PCLAF: variants seen among roughly 807,000 people sequenced by gnomAD.
The protein encoded by PCLAF is PCNA clamp associated factor, also known as PCNA-associated factor.
PCLAF carries 12 observed loss-of-function variants against 15.1 expected under a neutral mutation model. That is an observed-to-expected ratio of 0.79 (90% confidence interval 0.51 to 1.29). PCLAF has a LOEUF of 1.29. Ranked by LOEUF, PCLAF falls within the 50% of genes most tolerant of loss-of-function variation. The pLI, the probability that PCLAF is intolerant of heterozygous loss-of-function variation, is 0.00. For missense variants in PCLAF, 116 were observed against 130.9 expected (o/e 0.89, Z 0.56); for synonymous variants, 33 against 47.1 (o/e 0.70, Z 1.22).
At chr15:64,366,988 G>T (rs893984109) in intron 3 of PCLAF, among the ~76,000 whole-genome samples, 3 of 151,322 alleles carry the variant, frequency 2.0e-5, no homozygotes, top group African/African-American at 7.3e-5. Context: ...AAAATTAGTT[G>T]GTCGTGGTGG....
At chr15:64,376,597 T>A in intron 3 of PCLAF, 146 bp downstream of exon 3, 1 of 592,866 alleles carries the variant, frequency 1.7e-6, no homozygotes, top group African/African-American at 1.9e-5. Context: ...TTTTGTATTT[T>A]TAGTAGAGAC....
upstream of PCLAF, chr15:64,381,654 A>G: frequency 1.5e-6 from 1 of 660,624 alleles, no homozygotes; most frequent in East Asian, 3.1e-5. Flanking sequence ...GGGCGGTACC[A>G]GGACTCTCCA....
In PCLAF at chr15:64,377,470, CAAAAAA is replaced by C. The variant is rs771209859; in HGVS notation, c.128-571_128-566del. 3.3e-3 allele frequency among the ~76,000 whole-genome samples: 3 copies of C among 914 alleles called. 1 individual carries two copies. Among genetic ancestry groups the C allele is most frequent in the South Asian group, 0.024 (2 of 82 alleles). The allele number at this position is 914 out of a possible 152,430, so 0.6% of individuals were successfully genotyped here. A position where few individuals can be genotyped will look rare whatever the true frequency, so the allele number is the denominator to read the frequency against. On this transcript the variant is annotated intron_variant, in intron 2 of 3. Coordinates refer to ENST00000300035, the MANE Select transcript of PCLAF (RefSeq NM_014736.6). ...CTGGCAACAGAGCGAGACTCTGTCT[CAAAAAA>C]AAAAAAAAAAAAATATATATATATA...
At chr15:64,377,812 C>T (rs866138806) in intron 2 of PCLAF, among the ~76,000 whole-genome samples, 6 of 126,502 alleles carry the variant, frequency 4.7e-5, no homozygotes, top group East Asian at 2.6e-4. Context: ...AGTGCAGTGG[C>T]GCAATCTTGG....
At chr15:64,381,194 C>G (rs1004633661) in intron 1 of PCLAF, 132 bp downstream of exon 1, 1 of 1,232,350 alleles carries the variant, frequency 8.1e-7, no homozygotes, top group Non-Finnish European at 1.2e-6. Context: ...GTAAAGGGGC[C>G]AGGCGGCTAC....
At chr15:64,382,430 A>C (rs1899847113), upstream of PCLAF, 1 of 158,380 alleles carries the variant, frequency 6.3e-6, no homozygotes, top group African/African-American at 2.4e-5. Flanking sequence ...AAAAAAAAGA[A>C]AGAAAGAAAG....
At chr15:64,381,453 A>C (rs1178978936), upstream of PCLAF, 5 of 1,600,472 alleles carry the variant, frequency 3.1e-6, no homozygotes, top group Non-Finnish European at 4.3e-6. Flanking sequence ...CCCGAAAACT[A>C]TCCCGCCACA....
rs539819481 is a variant in PCLAF at position 64,374,732 on chromosome 15, G to A, written c.290+2011C>T. Among the ~76,000 whole-genome samples the A allele has an allele frequency of 5.9e-5, 9 of 151,828 alleles. No homozygotes were observed. The South Asian group carries it at 1.7e-3, about 28-fold the overall frequency. ...TCCATGGCACATGCCTGTAATTCCA[G>A]CTACTTGGAAGGCTGAGGTGGGAGA... On this transcript the variant is annotated intron_variant, in intron 3 of 3. Coordinates refer to ENST00000300035, the MANE Select transcript of PCLAF (RefSeq NM_014736.6).
upstream of PCLAF, among the ~76,000 whole-genome samples, chr15:64,385,851 C>A (rs79135125): frequency 1.3e-5 from 2 of 152,054 alleles, no homozygotes; most frequent in Non-Finnish European, 2.9e-5. Flanking sequence ...GGAGCTGAGA[C>A]ACTCTTCTCA....
At chr15:64,366,463 T>C (rs1262944963) in intron 3 of PCLAF, among the ~76,000 whole-genome samples, 1 of 152,220 alleles carries the variant, frequency 6.6e-6, no homozygotes, top group African/African-American at 2.4e-5. Context: ...CAATCCACTT[T>C]AGCAGAGAAA....
At chr15:64,378,070 A>G (rs1899687285) in intron 2 of PCLAF, among the ~76,000 whole-genome samples, 1 of 152,006 alleles carries the variant, frequency 6.6e-6, no homozygotes, top group African/African-American at 2.4e-5. Flanking sequence ...AGTTGGGACT[A>G]CAGGCGCCCG....
At chr15:64,378,728 T>C (rs551726951) in intron 2 of PCLAF, among the ~76,000 whole-genome samples, 1 of 152,248 alleles carries the variant, frequency 6.6e-6, no homozygotes, top group East Asian at 1.9e-4. Context: ...CTGGCCAACA[T>C]GGTGAAACCC....
upstream of PCLAF, among the ~76,000 whole-genome samples, chr15:64,383,593 C>G (rs930595538): frequency 3.3e-5 from 5 of 152,128 alleles, no homozygotes; most frequent in African/African-American, 1.2e-4. Flanking sequence ...TCTCAAACTC[C>G]TGACCTCAAG....
intron 3 of PCLAF, among the ~76,000 whole-genome samples, chr15:64,367,823 C>T (rs918515491): frequency 6.6e-5 from 10 of 151,478 alleles, no homozygotes; most frequent in African/African-American, 2.2e-4. Flanking sequence ...ACTGGGATTA[C>T]AGGCATGAGC....
In PCLAF at chr15:64,374,768, C is replaced by T. The variant is rs1278231257; in HGVS notation, c.290+1975G>A. Among the ~76,000 whole-genome samples the T allele has an allele frequency of 2.7e-5, 4 of 150,800 alleles. 1 individual carries two copies. In the South Asian group the frequency reaches 6.3e-4, roughly 24 times the overall value. On this transcript the variant is annotated intron_variant, in intron 3 of 3. Transcript: ENST00000300035. The stretch of plus-strand genomic sequence containing the variant: ...GGCTGAGGTGGGAGAATCAATCGAA[C>T]CCAGGAGGCAGAGGTTGAAGTGAGC...
chr15:64,374,059 C>T (rs2140525946), intron 3 of PCLAF, among the ~76,000 whole-genome samples: 1 of 151,954 alleles, frequency 6.6e-6, no homozygotes, highest in African/African-American at 2.4e-5. Flanking sequence ...AAGTTGTTAG[C>T]ACAGGGTATG....
At chr15:64,381,245 G>A (rs1566967828) in intron 1 of PCLAF, 81 bp downstream of exon 1, 7 of 1,528,800 alleles carry the variant, frequency 4.6e-6, no homozygotes, top group Non-Finnish European at 6.3e-6. Flanking sequence ...AGGGCCCAGG[G>A]GGACCTCTGG....
chr15:64,374,635 C>T (rs1204175669), intron 3 of PCLAF, among the ~76,000 whole-genome samples: 1 of 151,966 alleles, frequency 6.6e-6, no homozygotes, highest in Non-Finnish European at 1.5e-5. Flanking sequence ...ACTTGAGCTC[C>T]GGAGTTTGAG....
rs901337821 is a variant in PCLAF at position 64,365,755 on chromosome 15, C to G, written c.*275G>C. ...ATACAACATACTTGTAATTAGAACA[C>G]AATGCAATGACTTGATTTTAGCAAG... On this transcript the variant is annotated 3_prime_UTR_variant, in exon 4 of 4. Coordinates refer to ENST00000300035, the MANE Select transcript of PCLAF (RefSeq NM_014736.6). 2 of 400,742 alleles carry G rather than the reference C, an allele frequency of 5.0e-6. No individual in the cohort carries two copies. Among genetic ancestry groups the G allele is most frequent in the African/African-American group, 4.2e-5 (2 of 47,382 alleles). The allele number at this position is 400,742 out of a possible 1,614,324, so 24.8% of individuals were successfully genotyped here. A position where few individuals can be genotyped will look rare whatever the true frequency, so the allele number is the denominator to read the frequency against.
Sources: gnomAD v4.1 joint callset for allele counts (sites outside exome capture counted in the v4.1 genomes callset) on GRCh38, gnomAD v4.1.1 for gene constraint, MANE v1.5 for transcripts, NCBI Gene and HGNC (gene_info 2026-07-23, HGNC 2026-07-21) for gene names.